Variants in LNX1 observed in about 807,000 individuals in gnomAD.
LNX1 encodes E3 ubiquitin-protein ligase LNX.
LNX1 carries 54 observed loss-of-function variants against 68.4 expected under a neutral mutation model. The ratio of observed to expected loss-of-function variants is 0.79; its 90% confidence interval spans 0.63 to 0.99. The LOEUF (loss-of-function observed/expected upper bound fraction) is 0.99, where lower values mean the gene tolerates loss of function less well. Among genes scored for constraint, LNX1 ranks in the 50% least tolerant of loss-of-function variants. The pLI is 0.00. For synonymous variants in LNX1, 336 were observed against 350.0 expected, an observed-to-expected ratio of 0.96 and a Z score of 0.45; for missense variants, 906 against 926.4, an observed-to-expected ratio of 0.98 and a Z score of 0.29.
At chr4:53,539,784 T>G (rs368232092) in intron 2 of LNX1, among the ~76,000 whole-genome samples, 1 of 152,188 alleles carries the variant, frequency 6.6e-6, no homozygotes, top group African/African-American at 2.4e-5. Flanking sequence ...TCAAAGATAT[T>G]GCTCGCTTCA....
At chr4:53,477,675 T>G (rs893030164) in intron 8 of LNX1, among the ~76,000 whole-genome samples, 25 of 152,174 alleles carry the variant, frequency 1.6e-4, no homozygotes, top group African/African-American at 5.1e-4. Flanking sequence ...AAAATATACA[T>G]CTCCCCTATT....
At chr4:53,512,585 A>G (rs1315844862) in intron 2 of LNX1, among the ~76,000 whole-genome samples, 2 of 151,782 alleles carry the variant, frequency 1.3e-5, no homozygotes, top group East Asian at 3.9e-4. Context: ...CCCATTTCTG[A>G]TCCAAGTCCA....
chr4:53,602,842 C>T (rs954015068), intron 2 of LNX1: 1 of 152,160 alleles, frequency 6.6e-6, no homozygotes, highest in Non-Finnish European at 1.5e-5. Context: ...TTAAAACAAG[C>T]CAAATATACC....
In LNX1 at chr4:53,573,743, C is replaced by T; in HGVS notation, c.260G>A (p.Cys87Tyr). The change falls in exon 2 of 11, where the codon TGC becomes TAC. Residue 87 changes from cysteine (C) to tyrosine (Y), a missense_variant. Physicochemically the swap from Cys to Tyr is radical, Grantham distance 194. Coordinates refer to ENST00000263925, the MANE Select transcript of LNX1 (RefSeq NM_001126328.3). ...GTTGACCAGGATGCTGGACTTCTTG[C>T]AGTGCTGCAGAACCAGAGGCTTGCG... ...MDRKPLVLQH[C>Y]KKSSILVNKL... 6.2e-7 allele frequency: 1 copy of T among 1,611,536 alleles called. No individual in the cohort carries two copies. Among genetic ancestry groups the T allele is most frequent in the Non-Finnish European group, 8.5e-7 (1 of 1,178,898 alleles).
intron 9 of LNX1, among the ~76,000 whole-genome samples, chr4:53,466,412 G>A (rs1192570579): frequency 2.0e-5 from 3 of 152,230 alleles, no homozygotes; most frequent in Non-Finnish European, 4.4e-5. Context: ...CTCCCAGCGT[G>A]AGTGATGCAG....
intron 2 of LNX1, among the ~76,000 whole-genome samples, chr4:53,514,883 C>T (rs1380879640): frequency 2.0e-5 from 3 of 152,068 alleles, no homozygotes; most frequent in African/African-American, 2.4e-5. Context: ...GGTTATTGAC[C>T]TCAAGAGAAC....
chr4:53,484,830 C>T (rs1245932838), intron 6 of LNX1, among the ~76,000 whole-genome samples: 1 of 152,144 alleles, frequency 6.6e-6, no homozygotes, highest in Non-Finnish European at 1.5e-5. Context: ...TTCACAAAAA[C>T]TAGAAAATCC....
rs1376015724 is a variant in LNX1 at position 53,643,355 on chromosome 4, G to A, written c.-215+8813C>T. 7.9e-5 allele frequency among the ~76,000 whole-genome samples: 12 copies of A among 152,110 alleles called. No homozygotes were observed. In the South Asian group the frequency reaches 2.5e-3, roughly 32 times the overall value. On this transcript the variant is annotated intron_variant, in intron 1 of 2. Coordinates refer to the LNX1 transcript ENST00000507168. ...TGTAGAGACAGGGTCTCCCTCTGTT[G>A]CCCAGGCTGATCTCAAACTCCCGGG...
In LNX1 at chr4:53,497,420, T is replaced by C. The variant is rs1457670024; in HGVS notation, c.979-1026A>G. On this transcript the variant is annotated intron_variant, in intron 5 of 10. Coordinates refer to ENST00000263925, the MANE Select transcript of LNX1 (RefSeq NM_001126328.3). ...GGAATGGGCTTTACAAAGGCCTTTCTTGAGGATATAATCACCTGTTCTCTG... is the reference window on the plus strand; with the variant it reads ...GGAATGGGCTTTACAAAGGCCTTTCCTGAGGATATAATCACCTGTTCTCTG... 7.2e-5 allele frequency among the ~76,000 whole-genome samples: 11 copies of C among 152,230 alleles called. 1 individual carries two copies. Among genetic ancestry groups the C allele is most frequent in the Admixed American group, 7.2e-4 (11 of 15,286 alleles).
At chr4:53,598,958 A>T (rs943903498) in intron 2 of LNX1, among the ~76,000 whole-genome samples, 1 of 152,230 alleles carries the variant, frequency 6.6e-6, no homozygotes, top group Non-Finnish European at 1.5e-5. Flanking sequence ...CTAAGGACAA[A>T]CAATTAAAGT....
chr4:53,610,006 C>T (rs1733416299), intron 2 of LNX1, among the ~76,000 whole-genome samples: 1 of 151,610 alleles, frequency 6.6e-6, no homozygotes, highest in Admixed American at 6.6e-5. Context: ...ATGGTAAAGT[C>T]AAGATTTGAA....
At chr4:53,483,689 C>T (rs1579386712) in intron 6 of LNX1, among the ~76,000 whole-genome samples, 1 of 152,332 alleles carries the variant, frequency 6.6e-6, no homozygotes, top group East Asian at 1.9e-4. Context: ...TTGGTGGTTC[C>T]TCTCTTCATC....
chr4:53,538,916 G>A (rs1728562373), intron 2 of LNX1, among the ~76,000 whole-genome samples: 1 of 152,162 alleles, frequency 6.6e-6, no homozygotes, highest in African/African-American at 2.4e-5. Flanking sequence ...TAATCACAGG[G>A]AACAAGCCAA....
chr4:53,563,818 CCA>C (rs1730450560), intron 2 of LNX1, among the ~76,000 whole-genome samples: 1 of 152,208 alleles, frequency 6.6e-6, no homozygotes, highest in Non-Finnish European at 1.5e-5. Context: ...CAGGCATGGG[CCA>C]CTGCACCTGG....
chr4:53,545,789 C>T lies in LNX1; in HGVS notation c.380+27834G>A, dbSNP rs540375475. On this transcript the variant is annotated intron_variant, in intron 2 of 10. Coordinates refer to ENST00000263925, the MANE Select transcript of LNX1 (RefSeq NM_001126328.3). ...AGGATTTGTACTCAGATTTGAATGACTTCAGAGGCCACATTTTTTTTTTTT... is the reference window on the plus strand; with the variant it reads ...AGGATTTGTACTCAGATTTGAATGATTTCAGAGGCCACATTTTTTTTTTTT... Among the ~76,000 whole-genome samples the T allele has an allele frequency of 1.0e-4, 15 of 146,562 alleles. No individual in the cohort carries two copies. In the South Asian group the frequency reaches 2.8e-3, roughly 28 times the overall value.
intron 2 of LNX1, among the ~76,000 whole-genome samples, chr4:53,513,019 G>C (rs1726475348): frequency 6.6e-6 from 1 of 152,072 alleles, no homozygotes; most frequent in Non-Finnish European, 1.5e-5. Context: ...ACATCTCCAT[G>C]GCTTTGCAAC....
chr4:53,575,731 C>A, intron 1 of LNX1: 1 of 1,468,272 alleles, frequency 6.8e-7, no homozygotes, highest in Non-Finnish European at 9.0e-7. Context: ...CTGTGGGGGC[C>A]ACAGCTCTGT....
intron 2 of LNX1, among the ~76,000 whole-genome samples, chr4:53,518,194 G>A (rs1726938469): frequency 6.6e-6 from 1 of 152,140 alleles, no homozygotes; most frequent in Non-Finnish European, 1.5e-5. Context: ...TCAAGGTAGA[G>A]TCTGCTCAGG....
intron 6 of LNX1, among the ~76,000 whole-genome samples, chr4:53,491,787 C>T (rs563952081): frequency 9.1e-5 from 13 of 143,238 alleles, no homozygotes; most frequent in African/African-American, 2.8e-4. Context: ...GCTGAGGATA[C>T]GATACTTTTT....
Sources: allele counts gnomAD v4.1 joint callset (sites outside exome capture counted in the v4.1 genomes callset), GRCh38; gene constraint gnomAD v4.1.1; transcripts MANE v1.5; gene names NCBI Gene and HGNC (gene_info 2026-07-23, HGNC 2026-07-21).